ECT2: variants seen among roughly 807,000 people sequenced by gnomAD.
ECT2 encodes the protein epithelial cell transforming 2.
A neutral mutation model predicts 116.9 loss-of-function variants in ECT2; 61 were observed. The observed-to-expected ratio is 0.52, with a 90% confidence interval of 0.42 to 0.65. The LOEUF is 0.65. Ranked by LOEUF, ECT2 falls within the 30% of genes least tolerant of loss-of-function variation. The pLI, the probability that ECT2 is intolerant of heterozygous loss-of-function variation, is 0.00. For synonymous variants in ECT2, 358 were observed against 346.4 expected (o/e 1.03, Z -0.37); for missense variants, 937 against 1,078.7 (o/e 0.87, Z 1.84).
intron 20 of ECT2, among the ~76,000 whole-genome samples, chr3:172,803,306 G>A (rs535552435): frequency 6.6e-6 from 1 of 152,138 alleles, no homozygotes; most frequent in East Asian, 1.9e-4. Flanking sequence ...AAATAATTCT[G>A]AGTTTTTTGA....
chr3:172,771,994 A>T (rs1343174009), intron 13 of ECT2, among the ~76,000 whole-genome samples: 7 of 152,028 alleles, frequency 4.6e-5, no homozygotes. Context: ...AGTTTTGAGA[A>T]TTCTTTCTTT....
At position 172,767,781 on chromosome 3, in the gene ECT2, G is replaced by A. The variant is rs189651067; in HGVS notation, c.1292-1226G>A. 7.4e-3 allele frequency among the ~76,000 whole-genome samples: 1,121 copies of A among 150,684 alleles called. 15 individuals are homozygous for A. Among genetic ancestry groups the A allele is most frequent in the African/African-American group, 0.026 (1,035 of 40,214 alleles). On this transcript the variant is annotated intron_variant, in intron 12 of 24. Transcript: ENST00000392692. ...GCCAGGCTGGAGTGTGGTGGCGTGG[G>A]AGTGTGGTGGCAGGATCTAGGCTCA...
At chr3:172,769,647 T>A (rs1356052041) in intron 13 of ECT2, among the ~76,000 whole-genome samples, 4 of 152,164 alleles carry the variant, frequency 2.6e-5, no homozygotes, top group African/African-American at 7.2e-5. Context: ...AAATAGATGT[T>A]AACTCATTGC....
chr3:172,826,996 TC>T, the ECT2 span, among the ~76,000 whole-genome samples: 3 of 152,232 alleles, frequency 2.0e-5, no homozygotes, highest in Non-Finnish European at 2.9e-5. Context: ...TAGACGTGTT[TC>T]AAAAGAAGAC....
chr3:172,828,780 C>G, the ECT2 span: 1 of 655,652 alleles, frequency 1.5e-6, no homozygotes, highest in East Asian at 3.0e-5. Flanking sequence ...GAAGAACCCC[C>G]CATGGCCTCA....
At chr3:172,771,883 G>A (rs1490103328) in intron 13 of ECT2, among the ~76,000 whole-genome samples, 1 of 152,128 alleles carries the variant, frequency 6.6e-6, no homozygotes, top group African/African-American at 2.4e-5. Context: ...AATGACTAAT[G>A]ATGTTGAACA....
chr3:172,758,956 A>T, intron 5 of ECT2, 24 bp from the exon 6 acceptor site: 1 of 1,567,254 alleles, frequency 6.4e-7, no homozygotes, highest in Non-Finnish European at 8.7e-7. Flanking sequence ...GAAAGCTCAC[A>T]TTTAAAATTG....
At chr3:172,828,615 CTTTTT>C in the ECT2 span, 4 of 154,482 alleles carry the variant, frequency 2.6e-5, no homozygotes, top group African/African-American at 2.6e-5. Flanking sequence ...AAACTGGTAT[CTTTTT>C]TTTTTTTTTT....
chr3:172,784,699 G>A lies in ECT2; in HGVS notation c.1729-8G>A, dbSNP rs1576942602. The stretch of plus-strand genomic sequence containing the variant: ...CTTTTTTGAAATTGTTGAATAAATT[G>A]TTTTCAGATAAACCAAGCAAAACCA... On this transcript the variant is annotated splice_region_variant and splice_polypyrimidine_tract_variant and intron_variant, in intron 16 of 24. Transcript: ENST00000392692. The A allele has an allele frequency of 6.2e-7, 1 of 1,609,382 alleles. No individual in the cohort carries two copies. The highest frequency in any genetic ancestry group is 1.3e-5 in the African/African-American group (1 of 74,802).
At chr3:172,810,973 T>G (rs1421792001) in intron 22 of ECT2, among the ~76,000 whole-genome samples, 1 of 152,188 alleles carries the variant, frequency 6.6e-6, no homozygotes, top group Admixed American at 6.5e-5. Flanking sequence ...TCTTTAATGC[T>G]TGACATACTT....
intron 22 of ECT2, among the ~76,000 whole-genome samples, chr3:172,811,503 C>T (rs997283903): frequency 4.6e-5 from 7 of 152,152 alleles, no homozygotes; most frequent in Non-Finnish European, 8.8e-5. Flanking sequence ...CTTTCCCTCC[C>T]CTAAGTCAGA....
At chr3:172,815,843 A>T in intron 23 of ECT2, 132 bp downstream of exon 23, 1 of 631,854 alleles carries the variant, frequency 1.6e-6, no homozygotes, top group East Asian at 3.0e-5. Flanking sequence ...CTAGGAAATG[A>T]CCCACAGAAA....
At position 172,796,995 on chromosome 3, in the gene ECT2, T is replaced by TCAGATTCATATATCAGGTTCAA. The variant is rs1192609288; in HGVS notation, c.1908-5619_1908-5598dup. ...GGTAGCATTTTCCTTTTGAAGTTTCTCAGATTCATATATCAGGTTCAACTG... is the reference window on the plus strand; with the variant it reads ...GGTAGCATTTTCCTTTTGAAGTTTCTCAGATTCATATATCAGGTTCAACAGATTCATATATCAGGTTCAACTG... On this transcript the variant is annotated intron_variant, in intron 18 of 24. Coordinates refer to ENST00000392692, the MANE Select transcript of ECT2 (RefSeq NM_001258315.2). Among the ~76,000 whole-genome samples, 15 of 147,256 alleles carry TCAGATTCATATATCAGGTTCAA rather than the reference T, an allele frequency of 1.0e-4. No homozygotes were observed. The South Asian group carries it at 1.1e-3, about 11-fold the overall frequency.
intron 23 of ECT2, among the ~76,000 whole-genome samples, chr3:172,816,158 A>G (rs1729682822): frequency 6.6e-6 from 1 of 152,126 alleles, no homozygotes; most frequent in South Asian, 2.1e-4. Flanking sequence ...TATGTTGATA[A>G]TAGGCTTTTT....
At position 172,806,043 on chromosome 3, in the gene ECT2, A is replaced by G. The variant is rs1451659740; in HGVS notation, c.2245+174A>G. The G allele has an allele frequency of 4.8e-6, 3 of 628,134 alleles. No homozygotes were observed. In the African/African-American group the frequency reaches 5.5e-5, roughly 11 times the overall value. The allele number at this position is 628,134 out of a possible 1,614,324, so 38.9% of individuals were successfully genotyped here. Reference sequence around the variant, plus strand: ...TCCCATCTCCATCTCTAGGAACAGAACTGACTTTTTGTTTTCTCAAATGAA... The same window carrying G: ...TCCCATCTCCATCTCTAGGAACAGAGCTGACTTTTTGTTTTCTCAAATGAA... On this transcript the variant is annotated intron_variant, in intron 21 of 24. Transcript: ENST00000392692.
intron 11 of ECT2, among the ~76,000 whole-genome samples, chr3:172,763,199 T>C (rs548227966): frequency 6.6e-5 from 10 of 152,336 alleles, no homozygotes; most frequent in African/African-American, 2.4e-4. Context: ...GTGATAACAT[T>C]ACGAACAAGA....
At chr3:172,805,285 C>G (rs538717710) in intron 20 of ECT2, among the ~76,000 whole-genome samples, 3 of 151,788 alleles carry the variant, frequency 2.0e-5, no homozygotes, top group African/African-American at 7.3e-5. Context: ...TTTTTAAACT[C>G]TGTACTAGCA....
At chr3:172,771,875 T>C (rs1252156068) in intron 13 of ECT2, among the ~76,000 whole-genome samples, 1 of 152,238 alleles carries the variant, frequency 6.6e-6, no homozygotes, top group African/African-American at 2.4e-5. Context: ...ATTTTCGTAA[T>C]GACTAATGAT....
At chr3:172,793,683 C>G (rs1329893076) in intron 18 of ECT2, among the ~76,000 whole-genome samples, 2 of 152,018 alleles carry the variant, frequency 1.3e-5, no homozygotes, top group Non-Finnish European at 2.9e-5. Context: ...AGTCTGGTCT[C>G]GATCTCCTGA....
Sources: allele counts gnomAD v4.1 joint callset (sites outside exome capture counted in the v4.1 genomes callset), GRCh38; gene constraint gnomAD v4.1.1; transcripts MANE v1.5; gene names NCBI Gene and HGNC (gene_info 2026-07-23, HGNC 2026-07-21).